Variants in SASS6 observed in about 807,000 individuals in gnomAD.
The protein encoded by SASS6 is SAS-6 centriolar assembly protein, also known as spindle assembly abnormal protein 6 homolog.
A neutral mutation model predicts 94.9 loss-of-function variants in SASS6; 59 were observed. That is an observed-to-expected ratio of 0.62 (90% CI 0.50 to 0.77). The LOEUF is 0.77. Among genes scored for constraint, SASS6 ranks in the 30% least tolerant of loss-of-function variants. The pLI is 0.00. For synonymous variants in SASS6, 264 were observed against 270.0 expected, an observed-to-expected ratio of 0.98 and a Z score of 0.22; for missense variants, 698 against 734.1, an observed-to-expected ratio of 0.95 and a Z score of 0.57.
chr1:100,104,898 A>AG (rs1652775923), intron 13 of SASS6, among the ~76,000 whole-genome samples: 1 of 151,742 alleles, frequency 6.6e-6, no homozygotes, highest in Non-Finnish European at 1.5e-5. Context: ...GGCTGCCATG[A>AG]GCCATGATCC....
intron 13 of SASS6, among the ~76,000 whole-genome samples, chr1:100,105,459 G>A (rs1298576493): frequency 1.3e-5 from 2 of 151,750 alleles, no homozygotes; most frequent in Non-Finnish European, 2.9e-5. Flanking sequence ...CCCGGGAGGC[G>A]GAGCTTGCAG....
chr1:100,119,474 AT>A (rs377042377), intron 6 of SASS6, among the ~76,000 whole-genome samples: 6 of 152,328 alleles, frequency 3.9e-5, no homozygotes, highest in African/African-American at 1.4e-4. Context: ...ACCCAGTAAC[AT>A]GGCCCTGTGG....
At chr1:100,106,568 G>A (rs1325252174) in intron 12 of SASS6, among the ~76,000 whole-genome samples, 2 of 152,078 alleles carry the variant, frequency 1.3e-5, no homozygotes, top group Admixed American at 6.5e-5. Flanking sequence ...AACTACAGCC[G>A]AGCACGATGG....
intron 16 of SASS6, 51 bp from the exon 17 acceptor site, chr1:100,085,485 A>G: frequency 5.1e-6 from 8 of 1,559,094 alleles, no homozygotes; most frequent in Non-Finnish European, 7.1e-6. Context: ...GTCTTCATAC[A>G]TTAAATTTAA....
At chr1:100,123,372 A>G in intron 2 of SASS6, 83 bp from the exon 3 acceptor site, 1 of 674,662 alleles carries the variant, frequency 1.5e-6, no homozygotes, top group South Asian at 1.7e-5. Flanking sequence ...AAGAAATCCA[A>G]CAACATCAGT....
chr1:100,122,375 CT>C lies in SASS6; in HGVS notation c.311+4del. 1 of 1,298,948 alleles carries C rather than the reference CT, an allele frequency of 7.7e-7. No individual in the cohort carries two copies. The highest frequency in any genetic ancestry group is 1.1e-6 in the Non-Finnish European group (1 of 908,264). The allele number at this position is 1,298,948 out of a possible 1,614,324, so 80.5% of individuals were successfully genotyped here. ...TTAATAATGTAGCATTCTCATGCAA[CT>C]TACCTTGGAATTTCTTTGGCATGTT... On this transcript the variant is annotated splice_donor_region_variant and intron_variant, in intron 4 of 16. Transcript: ENST00000287482.
intron 7 of SASS6, among the ~76,000 whole-genome samples, chr1:100,115,453 C>A (rs1172470488): frequency 6.6e-6 from 1 of 152,126 alleles, no homozygotes; most frequent in Non-Finnish European, 1.5e-5. Context: ...AGAGATACAT[C>A]TCTCCACTGA....
chr1:100,101,314 C>T (rs554270612), intron 14 of SASS6, among the ~76,000 whole-genome samples: 1 of 149,892 alleles, frequency 6.7e-6, no homozygotes, highest in South Asian at 2.1e-4. Context: ...GATGAGAGCG[C>T]AAATTGTTCT....
At chr1:100,117,365 A>C (rs913638908) in intron 7 of SASS6, among the ~76,000 whole-genome samples, 1 of 151,324 alleles carries the variant, frequency 6.6e-6, no homozygotes, top group Non-Finnish European at 1.5e-5. Context: ...AGAAAATAAC[A>C]ACCACAGCTG....
chr1:100,097,909 A>G (rs925119814), intron 14 of SASS6, among the ~76,000 whole-genome samples: 1 of 152,234 alleles, frequency 6.6e-6, no homozygotes, highest in African/African-American at 2.4e-5. Context: ...AGCAAATTTT[A>G]TAGTGACAGC....
intron 14 of SASS6, among the ~76,000 whole-genome samples, chr1:100,097,289 C>T (rs1261856207): frequency 1.3e-5 from 2 of 152,134 alleles, no homozygotes; most frequent in East Asian, 3.8e-4. Context: ...CAAACATATG[C>T]CACCAGCCAT....
Position 100,085,720 on chromosome 1 carries a change from GTAAC to G in SASS6, c.1773-94_1773-91del, listed in dbSNP as rs573784511. The G allele has an allele frequency of 8.8e-5, 63 of 717,534 alleles. No individual in the cohort carries two copies. In the East Asian group the frequency reaches 9.5e-4, roughly 11 times the overall value. The allele number at this position is 717,534 out of a possible 1,614,324, so 44.4% of individuals were successfully genotyped here. A position where few individuals can be genotyped will look rare whatever the true frequency, so the allele number is the denominator to read the frequency against. ...TATGTATACATATATATAAGATAAT[GTAAC>G]TAAGTTCTATTTATAGCTTAGCTTT... On this transcript the variant is annotated intron_variant, in intron 15 of 16. Transcript: ENST00000287482.
At chr1:100,128,565 G>A (rs997496643) in intron 1 of SASS6, among the ~76,000 whole-genome samples, 1 of 152,158 alleles carries the variant, frequency 6.6e-6, no homozygotes, top group African/African-American at 2.4e-5. Flanking sequence ...CCCATGCTTA[G>A]TTAAAAAACA....
At chr1:100,131,194 CTTT>C (rs1172504404) in intron 1 of SASS6, among the ~76,000 whole-genome samples, 4 of 144,420 alleles carry the variant, frequency 2.8e-5, no homozygotes, top group Non-Finnish European at 6.1e-5. Context: ...TTTTCTTTTT[CTTT>C]TTTTTTTTTC....
intron 1 of SASS6, 86 bp downstream of exon 1, chr1:100,132,664 T>G (rs1655167775): frequency 8.0e-6 from 9 of 1,122,950 alleles, no homozygotes; most frequent in Non-Finnish European, 9.5e-6. Flanking sequence ...AGGTGCAAGG[T>G]GGATCCCACG....
intron 14 of SASS6, among the ~76,000 whole-genome samples, chr1:100,096,494 C>T (rs1251106619): frequency 1.3e-5 from 2 of 152,102 alleles, no homozygotes; most frequent in South Asian, 2.1e-4. Context: ...TTCTTATATA[C>T]AACTCCAAAA....
intron 11 of SASS6, 39 bp downstream of exon 11, chr1:100,107,335 A>T: frequency 7.4e-7 from 1 of 1,346,206 alleles, no homozygotes; most frequent in Non-Finnish European, 1.0e-6. Flanking sequence ...AACGAGGAAA[A>T]AATTTAGTTA....
chr1:100,106,413 A>G (rs1652910806), intron 12 of SASS6, among the ~76,000 whole-genome samples: 1 of 152,212 alleles, frequency 6.6e-6, no homozygotes, highest in African/African-American at 2.4e-5. Context: ...TTTTCTTTAT[A>G]AAGATGATAA....
intron 1 of SASS6, among the ~76,000 whole-genome samples, chr1:100,130,689 G>GAAAAA (rs369101016): frequency 7.4e-6 from 1 of 135,178 alleles, no homozygotes; most frequent in Non-Finnish European, 1.6e-5. Flanking sequence ...ACTCTGTCTA[G>GAAAAA]AAAAAAAAAA....
Sources: gnomAD v4.1 joint callset for allele counts (sites outside exome capture counted in the v4.1 genomes callset) on GRCh38, gnomAD v4.1.1 for gene constraint, MANE v1.5 for transcripts, NCBI Gene and HGNC (gene_info 2026-07-23, HGNC 2026-07-21) for gene names.